The following PAM variants were observed in gnomAD, a reference collection of about 807,000 sequenced individuals.
PAM encodes the protein peptidyl-glycine alpha-amidating monooxygenase.
Under a neutral mutation model 122.1 loss-of-function variants are expected in PAM, and 72 were observed. The observed-to-expected ratio is 0.59, with a 90% confidence interval of 0.49 to 0.72. PAM has a LOEUF of 0.72. Ranked by LOEUF, PAM falls within the 30% of genes least tolerant of loss-of-function variation. PAM has a pLI of 0.00. For missense variants in PAM, 1,106 were observed against 1,183.7 expected (o/e 0.93, Z 0.96); for synonymous variants, 389 against 404.4 (o/e 0.96, Z 0.46).
Position 103,018,630 on chromosome 5 carries a change from A to G in PAM, c.2432-1160A>G, listed in dbSNP as rs187302510. On this transcript the variant is annotated intron_variant, in intron 22 of 25. Coordinates refer to ENST00000438793, the MANE Select transcript of PAM (RefSeq NM_001177306.2). ...ACAATAAGGCAAAGATAGATGGATA[A>G]CCCCCAACTGCATGACTAAAGTGTG... Among the ~76,000 whole-genome samples, 43 of 152,260 alleles carry G rather than the reference A, an allele frequency of 2.8e-4. No homozygotes were observed. In the East Asian group the frequency reaches 7.9e-3, roughly 28 times the overall value.
chr5:102,849,638 G>A (rs7712266), intron 1 of PAM, among the ~76,000 whole-genome samples: 16,961 of 151,562 alleles, frequency 0.11, 2,217 homozygotes, highest in African/African-American at 0.31. Context: ...TCAGTGGAGA[G>A]CATTAGTTAT....
intron 3 of PAM, among the ~76,000 whole-genome samples, chr5:102,888,389 C>A (rs921989108): frequency 1.3e-5 from 2 of 152,036 alleles, no homozygotes; most frequent in East Asian, 1.9e-4. Context: ...GCCCCATACC[C>A]CTCTCATTCA....
At chr5:103,012,330 A>G (rs185104960) in intron 21 of PAM, among the ~76,000 whole-genome samples, 69 of 152,246 alleles carry the variant, frequency 4.5e-4, no homozygotes, top group African/African-American at 1.5e-3. Context: ...ACTCAAAACA[A>G]TTTTGCCCAG....
intron 21 of PAM, among the ~76,000 whole-genome samples, chr5:103,011,019 CTT>C (rs1780433114): frequency 6.6e-6 from 1 of 152,138 alleles, no homozygotes; most frequent in East Asian, 1.9e-4. Context: ...AATACTAGGT[CTT>C]ATTCATTCTG....
chr5:102,922,382 G>A (rs1449923131), intron 5 of PAM, among the ~76,000 whole-genome samples: 3 of 152,076 alleles, frequency 2.0e-5, no homozygotes, highest in Non-Finnish European at 2.9e-5. Context: ...CAGACAGCTG[G>A]GATGGGATAT....
chr5:102,855,346 A>G (rs1297813279), intron 1 of PAM, among the ~76,000 whole-genome samples: 1 of 152,230 alleles, frequency 6.6e-6, no homozygotes, highest in African/African-American at 2.4e-5. Context: ...CTTGAAGAAA[A>G]GGATAGCAAA....
chr5:103,021,392 T>G (rs1783504622), intron 23 of PAM, among the ~76,000 whole-genome samples: 1 of 152,212 alleles, frequency 6.6e-6, no homozygotes, highest in Non-Finnish European at 1.5e-5. Context: ...TCTGTTTAAA[T>G]AGATCTCACC....
Position 102,932,506 on chromosome 5 carries a change from G to GTA in PAM, c.526+5848_526+5849dup, listed in dbSNP as rs766769285. Among the ~76,000 whole-genome samples, 620 of 145,732 alleles carry GTA rather than the reference G, an allele frequency of 4.3e-3. 4 individuals are homozygous for GTA. Among genetic ancestry groups the GTA allele is most frequent in the South Asian group, 9.3e-3 (42 of 4,500 alleles). On this transcript the variant is annotated intron_variant, in intron 7 of 25. Transcript: ENST00000438793. ...TCTCAAAATAAATAAATAAATAAAT[G>GTA]TATATATATATGTATATATTATACA...
intron 4 of PAM, among the ~76,000 whole-genome samples, chr5:102,910,303 AC>A (rs1800986911): frequency 6.6e-6 from 1 of 151,876 alleles, no homozygotes; most frequent in Non-Finnish European, 1.5e-5. Context: ...TTAGACCTAG[AC>A]ATCTCTCTTT....
chr5:103,001,172 A>T (rs1322741778), intron 16 of PAM, among the ~76,000 whole-genome samples: 1 of 152,152 alleles, frequency 6.6e-6, no homozygotes, highest in Non-Finnish European at 1.5e-5. Context: ...ATAAAAGATT[A>T]TTAATGGTTG....
At chr5:102,819,737 CGAAA>C (rs1184593820) in intron 1 of PAM, among the ~76,000 whole-genome samples, 2 of 152,060 alleles carry the variant, frequency 1.3e-5, no homozygotes, top group African/African-American at 4.8e-5. Flanking sequence ...CTTTCATTTA[CGAAA>C]GAAAGTACAT....
At chr5:102,777,957 C>T (rs898341238) in intron 1 of PAM, among the ~76,000 whole-genome samples, 21 of 152,300 alleles carry the variant, frequency 1.4e-4, no homozygotes, top group African/African-American at 3.4e-4. Flanking sequence ...TGCCAAATTT[C>T]GGTTTGCCCT....
chr5:102,854,973 T>G (rs1049924012), intron 1 of PAM, among the ~76,000 whole-genome samples: 1 of 152,250 alleles, frequency 6.6e-6, no homozygotes, highest in Non-Finnish European at 1.5e-5. Flanking sequence ...CATTGTACTT[T>G]CAGTGGTGAA....
intron 14 of PAM, among the ~76,000 whole-genome samples, chr5:102,970,868 G>A (rs796415287): frequency 2.6e-5 from 4 of 151,914 alleles, no homozygotes; most frequent in Non-Finnish European, 2.9e-5. Flanking sequence ...GTGCAGTGGC[G>A]TGATCTCAGC....
chr5:102,965,198 C>T (rs1763716288), intron 14 of PAM, among the ~76,000 whole-genome samples: 1 of 150,126 alleles, frequency 6.7e-6, no homozygotes, highest in Middle Eastern at 3.4e-3. Flanking sequence ...CACACACACA[C>T]CTCACATATA....
intron 24 of PAM, 33 bp from the exon 25 acceptor site, chr5:103,028,152 C>G: frequency 6.4e-7 from 1 of 1,573,382 alleles, no homozygotes; most frequent in Non-Finnish European, 8.7e-7. Flanking sequence ...ATGACTGGGA[C>G]TCATTTTGAA....
At chr5:102,856,976 C>G (rs926958880) in intron 1 of PAM, among the ~76,000 whole-genome samples, 4 of 152,104 alleles carry the variant, frequency 2.6e-5, no homozygotes, top group Non-Finnish European at 4.4e-5. Flanking sequence ...CAAAAAACAG[C>G]AACTTGGTAC....
At chr5:102,811,370 G>A (rs1039255641) in intron 1 of PAM, among the ~76,000 whole-genome samples, 4 of 152,168 alleles carry the variant, frequency 2.6e-5, no homozygotes, top group East Asian at 1.9e-4. Context: ...TCTGCATTCC[G>A]TGGCTCCTGG....
At chr5:102,769,932 T>C (rs1488667362) in intron 1 of PAM, among the ~76,000 whole-genome samples, 1 of 152,140 alleles carries the variant, frequency 6.6e-6, no homozygotes, top group Non-Finnish European at 1.5e-5. Context: ...AATCTGTAGA[T>C]TGCTTTGGGT....
Sources: allele counts gnomAD v4.1 joint callset (sites outside exome capture counted in the v4.1 genomes callset), GRCh38; gene constraint gnomAD v4.1.1; transcripts MANE v1.5; gene names NCBI Gene and HGNC (gene_info 2026-07-23, HGNC 2026-07-21).